KCNH5: variants seen among roughly 807,000 people sequenced by gnomAD.
KCNH5 encodes the protein voltage-gated delayed rectifier potassium channel KCNH5.
Under a neutral mutation model 96.1 loss-of-function variants are expected in KCNH5, and 46 were observed. That is an observed-to-expected ratio of 0.48 (90% CI 0.38 to 0.61). The LOEUF is 0.61. Ranked by LOEUF, KCNH5 falls within the 20% of genes least tolerant of loss-of-function variation. The pLI is 0.00. For synonymous variants in KCNH5, 439 were observed against 449.8 expected (o/e 0.98, Z 0.30); for missense variants, 907 against 1,225.8 (o/e 0.74, Z 3.88).
At chr14:62,854,004 C>CAAAAAAAAAAAAA (rs548263620) in intron 7 of KCNH5, among the ~76,000 whole-genome samples, 1 of 84,204 alleles carries the variant, frequency 1.2e-5, no homozygotes, top group African/African-American at 4.4e-5. Flanking sequence ...GAGACTCTGT[C>CAAAAAAAAAAAAA]AAAAAAAAAA....
chr14:62,943,547 A>C (rs1889829671), intron 7 of KCNH5, among the ~76,000 whole-genome samples: 1 of 152,210 alleles, frequency 6.6e-6, no homozygotes, highest in South Asian at 2.1e-4. Flanking sequence ...ATTAGCAAGG[A>C]GATTACTTAC....
chr14:62,982,091 A>G (rs1362665138), intron 5 of KCNH5, among the ~76,000 whole-genome samples: 1 of 152,146 alleles, frequency 6.6e-6, no homozygotes, highest in Admixed American at 6.5e-5. Context: ...GGAATTATAA[A>G]AAACAGTTGA....
intron 7 of KCNH5, among the ~76,000 whole-genome samples, chr14:62,933,434 A>G (rs973644176): frequency 2.0e-5 from 3 of 151,458 alleles, no homozygotes; most frequent in African/African-American, 7.3e-5. Context: ...TGGAAAATGC[A>G]TATATATGCA....
chr14:62,933,216 G>T (rs1889613887), intron 7 of KCNH5, among the ~76,000 whole-genome samples: 1 of 151,850 alleles, frequency 6.6e-6, no homozygotes, highest in Non-Finnish European at 1.5e-5. Context: ...AAGAGAATTT[G>T]GTAATAAATT....
At chr14:62,910,776 G>C (rs11846438) in intron 7 of KCNH5, among the ~76,000 whole-genome samples, 1 of 151,712 alleles carries the variant, frequency 6.6e-6, no homozygotes, top group Non-Finnish European at 1.5e-5. Flanking sequence ...GTTTTGCACC[G>C]GTGTTCCCTC....
chr14:62,944,812 C>G (rs79633820), intron 7 of KCNH5, among the ~76,000 whole-genome samples: 1 of 152,172 alleles, frequency 6.6e-6, no homozygotes, highest in East Asian at 1.9e-4. Context: ...TTAAAGGTAT[C>G]TCCCTGGAAT....
At chr14:62,738,597 A>T (rs759104043) in intron 10 of KCNH5, among the ~76,000 whole-genome samples, 1 of 152,202 alleles carries the variant, frequency 6.6e-6, no homozygotes, top group African/African-American at 2.4e-5. Flanking sequence ...CTGCCAAGTA[A>T]GGATTCCATG....
intron 8 of KCNH5, among the ~76,000 whole-genome samples, chr14:62,806,796 A>G (rs762230155): frequency 9.9e-5 from 15 of 152,132 alleles, no homozygotes; most frequent in Non-Finnish European, 1.6e-4. Flanking sequence ...CCCTCTTGGT[A>G]AAGTCCCTCT....
chr14:62,974,033 T>C (rs1890457463), intron 6 of KCNH5, among the ~76,000 whole-genome samples: 2 of 152,202 alleles, frequency 1.3e-5, no homozygotes, highest in African/African-American at 4.8e-5. Flanking sequence ...ATGATGCATG[T>C]GGCAGCTTGA....
chr14:63,032,600 T>C (rs1435616180), intron 1 of KCNH5, among the ~76,000 whole-genome samples: 1 of 152,190 alleles, frequency 6.6e-6, no homozygotes, highest in African/African-American at 2.4e-5. Flanking sequence ...TAGGTTTAGT[T>C]TGGGGTTTGG....
chr14:62,795,902 C>T (rs1164486372), intron 9 of KCNH5, among the ~76,000 whole-genome samples: 1 of 152,068 alleles, frequency 6.6e-6, no homozygotes, highest in East Asian at 1.9e-4. Flanking sequence ...AAGCAAGAGA[C>T]AAATCACTAA....
At chr14:62,750,458 T>C (rs1397227568) in intron 10 of KCNH5, among the ~76,000 whole-genome samples, 4 of 152,314 alleles carry the variant, frequency 2.6e-5, no homozygotes, top group African/African-American at 7.2e-5. Context: ...GGGTCTGTCA[T>C]TGCCGTGGCT....
At chr14:62,944,256 T>C (rs1434242084) in intron 7 of KCNH5, among the ~76,000 whole-genome samples, 2 of 152,174 alleles carry the variant, frequency 1.3e-5, no homozygotes, top group South Asian at 4.1e-4. Flanking sequence ...AAATTTTGGA[T>C]GACTTTCTCG....
intron 6 of KCNH5, among the ~76,000 whole-genome samples, chr14:62,972,540 A>G (rs1890428813): frequency 1.3e-5 from 2 of 152,370 alleles, no homozygotes; most frequent in African/African-American, 4.8e-5. Context: ...ATGTCCACAT[A>G]TAAACCTGCA....
chr14:62,839,316 A>T (rs73274768), intron 8 of KCNH5, among the ~76,000 whole-genome samples: 4,927 of 152,266 alleles, frequency 0.032, 283 homozygotes, highest in African/African-American at 0.11. Flanking sequence ...CAAAATGGTT[A>T]TATAAATATT....
intron 10 of KCNH5, among the ~76,000 whole-genome samples, chr14:62,714,276 T>C (rs554492389): frequency 2.0e-5 from 3 of 152,212 alleles, no homozygotes; most frequent in South Asian, 4.1e-4. Flanking sequence ...GTCTCAAAAA[T>C]AATAATAAAT....
intron 1 of KCNH5, among the ~76,000 whole-genome samples, chr14:63,021,725 C>A (rs879629812): frequency 7.9e-5 from 12 of 152,056 alleles, no homozygotes; most frequent in Non-Finnish European, 1.5e-4. Flanking sequence ...ATAACCTCTC[C>A]CTATCGCCAA....
intron 7 of KCNH5, among the ~76,000 whole-genome samples, chr14:62,887,103 T>C (rs1888613120): frequency 6.6e-6 from 1 of 152,212 alleles, no homozygotes; most frequent in Non-Finnish European, 1.5e-5. Context: ...ACTCTTATTA[T>C]GCTACTTACT....
chr14:62,845,756 A>G (rs1887679010), intron 8 of KCNH5, among the ~76,000 whole-genome samples: 1 of 152,212 alleles, frequency 6.6e-6, no homozygotes. Flanking sequence ...AATGTGTGTA[A>G]AACAGGTTTT....
Sources: gnomAD v4.1 joint callset for allele counts (sites outside exome capture counted in the v4.1 genomes callset) on GRCh38, gnomAD v4.1.1 for gene constraint, MANE v1.5 for transcripts, NCBI Gene and HGNC (gene_info 2026-07-23, HGNC 2026-07-21) for gene names.